Variants in BMAL2 observed in about 807,000 individuals in gnomAD.
BMAL2 encodes basic helix-loop-helix ARNT like 2, also known as basic helix-loop-helix ARNT-like protein 2.
the BMAL2 span, chr12:27,380,426 A>T: frequency 6.2e-7 from 1 of 1,612,990 alleles, no homozygotes; most frequent in African/African-American, 1.3e-5. Context: ...GATGGCTTCC[A>T]CACTTCGATA....
At chr12:27,389,068 T>C in the BMAL2 span, 2 of 796,454 alleles carry the variant, frequency 2.5e-6, no homozygotes, top group Non-Finnish European at 4.3e-6. Context: ...GACATATCTT[T>C]GAGCTTGAGA....
chr12:27,409,068 G>C, the BMAL2 span, among the ~76,000 whole-genome samples: 36 of 152,064 alleles, frequency 2.4e-4, no homozygotes, highest in African/African-American at 5.1e-4. Flanking sequence ...AGGAGAACTA[G>C]AAACCACTGC....
chr12:27,358,225 G>A, the BMAL2 span, among the ~76,000 whole-genome samples: 1 of 151,826 alleles, frequency 6.6e-6, no homozygotes, highest in South Asian at 2.1e-4. Flanking sequence ...TCAAAAAGTG[G>A]GCTAAGGACA....
the BMAL2 span, among the ~76,000 whole-genome samples, chr12:27,395,369 G>C: frequency 6.6e-6 from 1 of 152,166 alleles, no homozygotes; most frequent in East Asian, 1.9e-4. Context: ...CCTAGATATG[G>C]GAGCTCAAGT....
the BMAL2 span, among the ~76,000 whole-genome samples, chr12:27,416,899 G>T: frequency 6.6e-5 from 10 of 152,182 alleles, no homozygotes; most frequent in Non-Finnish European, 1.0e-4. Flanking sequence ...GAAGTTTCAG[G>T]CTGAAGTGAG....
chr12:27,391,255 C>G, the BMAL2 span, among the ~76,000 whole-genome samples: 1 of 152,068 alleles, frequency 6.6e-6, no homozygotes, highest in African/African-American at 2.4e-5. Flanking sequence ...TTATGTGCTC[C>G]ATGTTTAGCT....
At chr12:27,385,489 A>C in the BMAL2 span, 1 of 1,605,676 alleles carries the variant, frequency 6.2e-7, no homozygotes, top group Non-Finnish European at 8.5e-7. Context: ...AGGCTTGACA[A>C]ATTCTTATGT....
the BMAL2 span, among the ~76,000 whole-genome samples, chr12:27,390,767 C>G: frequency 6.6e-6 from 1 of 152,030 alleles, no homozygotes. Context: ...ATTAAATAGT[C>G]ATCTATTTAA....
At chr12:27,389,042 G>A in the BMAL2 span, 1 of 702,640 alleles carries the variant, frequency 1.4e-6, no homozygotes, top group Non-Finnish European at 2.5e-6. Flanking sequence ...TTAAGTTCAT[G>A]TCACACAGTG....
At chr12:27,403,143 G>T in the BMAL2 span, among the ~76,000 whole-genome samples, 2 of 152,168 alleles carry the variant, frequency 1.3e-5, no homozygotes, top group South Asian at 4.1e-4. Flanking sequence ...ATATATTAAT[G>T]TATTATTTGT....
the BMAL2 span, among the ~76,000 whole-genome samples, chr12:27,402,846 C>T: frequency 2.0e-5 from 3 of 152,182 alleles, no homozygotes; most frequent in Non-Finnish European, 2.9e-5. Flanking sequence ...CTAAATTCAA[C>T]GGGAAATAGA....
chr12:27,348,941 G>T, the BMAL2 span, among the ~76,000 whole-genome samples: 2 of 152,312 alleles, frequency 1.3e-5, no homozygotes, highest in African/African-American at 4.8e-5. Flanking sequence ...TGTCTGAGGG[G>T]CCCCAGTAGG....
chr12:27,385,352 A>T, the BMAL2 span: 3 of 561,206 alleles, frequency 5.3e-6, no homozygotes, highest in Non-Finnish European at 9.4e-6. Context: ...TGAAAAAAAA[A>T]ATGATTACAG....
At chr12:27,363,916 T>C in the BMAL2 span, among the ~76,000 whole-genome samples, 4 of 152,218 alleles carry the variant, frequency 2.6e-5, no homozygotes, top group Non-Finnish European at 5.9e-5. Context: ...GTTTTCTTAG[T>C]CCATTGATGC....
the BMAL2 span, chr12:27,333,188 GC>G: frequency 3.4e-6 from 4 of 1,175,624 alleles, no homozygotes; most frequent in Non-Finnish European, 4.2e-6. Context: ...CGCCAGGTCT[GC>G]CCCCGCTGCC....
the BMAL2 span, among the ~76,000 whole-genome samples, chr12:27,360,653 G>C: frequency 1.3e-5 from 2 of 151,684 alleles, no homozygotes; most frequent in East Asian, 1.9e-4. Flanking sequence ...ATTTTTGCTG[G>C]GCTAGTTACT....
chr12:27,342,363 AT>A, the BMAL2 span, among the ~76,000 whole-genome samples: 1 of 152,260 alleles, frequency 6.6e-6, no homozygotes, highest in African/African-American at 2.4e-5. Context: ...TAGCGAGAAT[AT>A]GTTATTGTGC....
At chr12:27,335,863 A>G in the BMAL2 span, among the ~76,000 whole-genome samples, 1 of 152,292 alleles carries the variant, frequency 6.6e-6, no homozygotes, top group East Asian at 1.9e-4. Context: ...GACTCCAGGA[A>G]AAACAAAAAC....
the BMAL2 span, among the ~76,000 whole-genome samples, chr12:27,357,192 T>C: frequency 6.6e-6 from 1 of 152,246 alleles, no homozygotes; most frequent in Admixed American, 6.5e-5. Flanking sequence ...TTTGCAATTG[T>C]GAATTGTGCT....
Sources: gnomAD v4.1 joint callset for allele counts (sites outside exome capture counted in the v4.1 genomes callset) on GRCh38, gnomAD v4.1.1 for gene constraint, MANE v1.5 for transcripts, NCBI Gene and HGNC (gene_info 2026-07-23, HGNC 2026-07-21) for gene names.